The following HTT variants were observed in gnomAD, a reference collection of about 807,000 sequenced individuals.
HTT encodes huntingtin, also known as huntington disease protein.
HTT carries 104 observed loss-of-function variants against 362.3 expected under a neutral mutation model. The observed-to-expected ratio is 0.29, with a 90% CI of 0.24 to 0.34. HTT has a LOEUF of 0.34. Among genes scored for constraint, HTT ranks in the 10% least tolerant of loss-of-function variants. HTT has a pLI of 1.00. For synonymous variants in HTT, 1,577 were observed against 1,548.7 expected (o/e 1.02, Z -0.43); for missense variants, 3,301 against 3,928.6 (o/e 0.84, Z 4.27).
intron 1 of HTT, 32 bp downstream of exon 1, chr4:3,075,120 C>G: frequency 8.2e-7 from 1 of 1,216,874 alleles, no homozygotes; most frequent in Non-Finnish European, 1.0e-6. Flanking sequence ...CTCCCTGTCC[C>G]GGCGGGTCCC....
intron 31 of HTT, among the ~76,000 whole-genome samples, chr4:3,174,182 A>G (rs1718124926): frequency 2.6e-5 from 4 of 152,180 alleles, no homozygotes; most frequent in Admixed American, 2.6e-4. Context: ...TCCAGGCTGT[A>G]TGTTAGTGAT....
Position 3,238,811 on chromosome 4 carries a change from C to A in HTT, c.9055-7C>A. ...CTGACACTCAGGCACCTGCTTGCTC[C>A]TTGCAGGTGTTTCAGACTCTGCACA... On this transcript the variant is annotated splice_polypyrimidine_tract_variant and splice_region_variant and intron_variant, in intron 65 of 66. Coordinates refer to ENST00000355072, the MANE Select transcript of HTT (RefSeq NM_001388492.1). 6.3e-7 allele frequency: 1 copy of A among 1,595,154 alleles called. No individual in the cohort carries two copies. The highest frequency in any genetic ancestry group is 1.3e-5 in the African/African-American group (1 of 74,666).
chr4:3,092,607 C>T (rs1482075980), intron 2 of HTT, among the ~76,000 whole-genome samples: 1 of 152,140 alleles, frequency 6.6e-6, no homozygotes, highest in African/African-American at 2.4e-5. Context: ...GTCTAGAATT[C>T]CTGGGCCCAA....
At chr4:3,217,707 C>A in intron 51 of HTT, 58 bp from the exon 52 acceptor site, 1 of 1,430,760 alleles carries the variant, frequency 7.0e-7, no homozygotes, top group Non-Finnish European at 9.6e-7. Flanking sequence ...ATGCTTTCTA[C>A]ACTGGGCATA....
rs766953690 is a variant in HTT at position 3,215,157 on chromosome 4, A to G, written c.7000A>G (p.Asn2334Asp). 1.2e-6 allele frequency: 2 copies of G among 1,614,170 alleles called. No individual in the cohort carries two copies. Among genetic ancestry groups the G allele is most frequent in the South Asian group, 1.1e-5 (1 of 91,066 alleles). ...EQLLSPERRT[N>D]TPKAISEEEE... ...GCTTCTTAGTCCAGAAAGAAGGACA[A>G]ATACCCCAAAAGCCATCAGCGAGGA... Residue 2334 changes from asparagine (N) to aspartate (D), a missense_variant, in exon 51 of 67, where the codon AAT becomes GAT. Physicochemically the swap from Asn to Asp is conservative, Grantham distance 23. Coordinates refer to ENST00000355072, the MANE Select transcript of HTT (RefSeq NM_001388492.1).
At chr4:3,086,738 G>C (rs1713228637) in intron 1 of HTT, among the ~76,000 whole-genome samples, 1 of 152,130 alleles carries the variant, frequency 6.6e-6, no homozygotes, top group Admixed American at 6.5e-5. Context: ...TGTTTTTTCT[G>C]TGAGCAGCGT....
chr4:3,137,535 C>G (rs1716125641), intron 21 of HTT, among the ~76,000 whole-genome samples: 1 of 152,100 alleles, frequency 6.6e-6, no homozygotes, highest in Non-Finnish European at 1.5e-5. Flanking sequence ...CTTGTCTCTA[C>G]TAAAAATACA....
In HTT at chr4:3,218,096, G is replaced by T; in HGVS notation, c.7242+144G>T. On this transcript the variant is annotated intron_variant, in intron 52 of 66. Transcript: ENST00000355072. This position sits in a 1 kb window ranked among gnomAD's most constrained non-coding sequence, Gnocchi z 4.4. ...GGTTCTGGTGCCCACTGTGGTTCTG[G>T]TGCCAGGCTGCTTTCCTCAGGCACC... The T allele has an allele frequency of 1.5e-6, 1 of 677,666 alleles. No homozygotes were observed. The highest frequency in any genetic ancestry group is 2.8e-5 in the East Asian group (1 of 35,118). 42.0% of individuals were successfully genotyped at this position (677,666 alleles called of 1,614,324 possible). A position where few individuals can be genotyped will look rare whatever the true frequency, so the allele number is the denominator to read the frequency against.
intron 2 of HTT, among the ~76,000 whole-genome samples, chr4:3,091,310 T>C (rs1229688381): frequency 6.6e-6 from 1 of 152,180 alleles, no homozygotes; most frequent in Non-Finnish European, 1.5e-5. Flanking sequence ...TCTCTGACTT[T>C]GGGAGAACAT....
intron 4 of HTT, among the ~76,000 whole-genome samples, chr4:3,104,323 A>G (rs568072400): frequency 2.0e-4 from 31 of 152,026 alleles, no homozygotes; most frequent in African/African-American, 7.5e-4. Context: ...AAAATAACTA[A>G]AACAGTCAGG....
chr4:3,172,540 A>G (rs771361230), intron 30 of HTT, 143 bp downstream of exon 30: 71 of 703,556 alleles, frequency 1.0e-4, no homozygotes, highest in African/African-American at 9.3e-4. Flanking sequence ...GGCTCAGTCC[A>G]TGATTGAGCC....
intron 1 of HTT, among the ~76,000 whole-genome samples, chr4:3,076,421 TGTCTC>T (rs1323907087): frequency 6.6e-6 from 1 of 152,254 alleles, no homozygotes; most frequent in Non-Finnish European, 1.5e-5. Context: ...TTATGATCCT[TGTCTC>T]GTCTTCAAAG....
rs2110250005 is a variant in HTT at position 3,189,060 on chromosome 4, C to G, written c.5335C>G (p.Leu1779Val). The change falls in exon 40 of 67, where the codon CTG becomes GTG. Residue 1779 changes from leucine (L) to valine (V), a missense_variant. Physicochemically the swap from Leu to Val is conservative, Grantham distance 32. Coordinates refer to ENST00000355072, the MANE Select transcript of HTT (RefSeq NM_001388492.1). ...HTFYCQELGT[L>V]LMCLIHIFKS... ...TTTCTATTGCCAGGAACTAGGCACA[C>G]TGCTAATGTGTCTGATCCACATCTT... 1.2e-6 allele frequency: 2 copies of G among 1,614,094 alleles called. No individual in the cohort carries two copies. The highest frequency in any genetic ancestry group is 1.7e-6 in the Non-Finnish European group (2 of 1,179,906).
chr4:3,094,936 G>A (rs1163230118), intron 2 of HTT, among the ~76,000 whole-genome samples: 3 of 151,430 alleles, frequency 2.0e-5, no homozygotes, highest in African/African-American at 4.9e-5. Flanking sequence ...ACGGGGCGGC[G>A]GGGCAGAGGT....
intron 40 of HTT, among the ~76,000 whole-genome samples, chr4:3,196,175 A>G (rs1390390698): frequency 6.6e-6 from 1 of 152,182 alleles, no homozygotes. Context: ...TGATATGCCC[A>G]CACCATGCCC....
chr4:3,089,500 G>T (rs1210000904), intron 2 of HTT, among the ~76,000 whole-genome samples: 1 of 152,110 alleles, frequency 6.6e-6, no homozygotes, highest in Non-Finnish European at 1.5e-5. Flanking sequence ...TGATCCGCCC[G>T]CCTCGGCCTC....
chr4:3,172,211 A>G (rs954199159), intron 29 of HTT, 109 bp from the exon 30 acceptor site: 7 of 757,178 alleles, frequency 9.2e-6, no homozygotes, highest in Non-Finnish European at 1.7e-5. Context: ...TTCCTCTACT[A>G]TTTACACAAT....
At position 3,146,894 on chromosome 4, in the gene HTT, T is replaced by C. The variant is rs751565846; in HGVS notation, c.3241T>C (p.Leu1081=). The change falls in exon 25 of 67, where the codon TTG becomes CTG. Residue 1081 remains leucine, a synonymous_variant. Coordinates refer to ENST00000355072, the MANE Select transcript of HTT (RefSeq NM_001388492.1). ...LTLLSSAWFP[L]DLSAHQDALI... ...CCTGCTCTCGTCAGCTTGGTTCCCA[T>C]TGGATCTCTCAGCCCATCAAGATGC... 5.3e-5 allele frequency: 86 copies of C among 1,614,068 alleles called. No individual in the cohort carries two copies. Among genetic ancestry groups the C allele is most frequent in the Non-Finnish European group, 7.3e-5 (86 of 1,180,026 alleles).
At chr4:3,186,367 T>C (rs1029448842) in intron 37 of HTT, among the ~76,000 whole-genome samples, 3 of 152,192 alleles carry the variant, frequency 2.0e-5, no homozygotes, top group Admixed American at 6.5e-5. Flanking sequence ...TTATTATTTA[T>C]GTAATAAAAA....
Sources: allele counts gnomAD v4.1 joint callset (sites outside exome capture counted in the v4.1 genomes callset), GRCh38; gene constraint gnomAD v4.1.1; non-coding constraint Gnocchi (gnomAD v3.1); transcripts MANE v1.5; gene names NCBI Gene and HGNC (gene_info 2026-07-23, HGNC 2026-07-21).